The following CALD1 variants were observed in gnomAD, a reference collection of about 807,000 sequenced individuals.
CALD1 encodes caldesmon.
CALD1 carries 33 observed loss-of-function variants against 99.9 expected under a neutral mutation model. That is an observed-to-expected ratio of 0.33 (90% confidence interval 0.25 to 0.44). The LOEUF is 0.44. Ranked by LOEUF, CALD1 falls within the 20% of genes least tolerant of loss-of-function variation. The pLI is 1.00. For synonymous variants in CALD1, 310 were observed against 325.0 expected, an observed-to-expected ratio of 0.95 and a Z score of 0.50; for missense variants, 861 against 962.1, an observed-to-expected ratio of 0.89 and a Z score of 1.39.
chr7:134,969,394 C>T lies in CALD1; in HGVS notation c.*1049C>T, dbSNP rs1224098843. On this transcript the variant is annotated 3_prime_UTR_variant, in exon 15 of 15. Transcript: ENST00000361675. ...TCATCTCGACCAAGCTCAAAGCCTA[C>T]TTATTAGAAACAATGAAGTTCACAA... is the stretch of plus-strand genomic sequence containing the variant. 1 of 152,134 alleles carries T rather than the reference C, an allele frequency of 6.6e-6. No homozygotes were observed. The highest frequency in any genetic ancestry group is 1.9e-4 in the East Asian group (1 of 5,200). 9.4% of individuals were successfully genotyped at this position (152,134 alleles called of 1,614,324 possible).
intron 3 of CALD1, among the ~76,000 whole-genome samples, chr7:134,908,101 G>T (rs1803535229): frequency 1.3e-5 from 2 of 152,076 alleles, no homozygotes; most frequent in Middle Eastern, 3.2e-3. Flanking sequence ...GTTGAAAAAA[G>T]ATAGGAATTT....
rs770311302 is a variant in CALD1 at position 134,965,315 on chromosome 7, C to A, written c.2305C>A (p.Pro769Thr). 6.4e-7 allele frequency: 1 copy of A among 1,569,402 alleles called. No homozygotes were observed. Among genetic ancestry groups the A allele is most frequent in the Non-Finnish European group, 8.8e-7 (1 of 1,139,336 alleles). ...SPAPKPSDLR[P>T]GDVSSKRNLW... ...GCTTCCTTTTTATCAGGACTTGAGA[C>A]CAGGAGACGTATCCAGCAAGCGGAA... The change falls in exon 14 of 15, where the codon CCA (proline) becomes ACA (threonine). Residue 769 changes from proline to threonine, a missense_variant. Physicochemically the swap from Pro to Thr is conservative, Grantham distance 38. This residue lies in a region of CALD1 where 190 missense variants were observed against 249.0 expected (regional missense o/e 0.76). Transcript: ENST00000361675.
intron 7 of CALD1, among the ~76,000 whole-genome samples, chr7:134,942,881 T>C (rs1240825249): frequency 6.6e-6 from 1 of 152,204 alleles, no homozygotes; most frequent in Non-Finnish European, 1.5e-5. Context: ...ATAATTAACA[T>C]GCCTATTGTG....
At chr7:134,872,422 A>AT (rs1393901240) in intron 3 of CALD1, among the ~76,000 whole-genome samples, 1 of 149,130 alleles carries the variant, frequency 6.7e-6, no homozygotes, top group Non-Finnish European at 1.5e-5. Context: ...TGCAACTTTT[A>AT]TGCCATTACC....
At chr7:134,868,623 A>G (rs1028033675) in intron 3 of CALD1, among the ~76,000 whole-genome samples, 5 of 152,222 alleles carry the variant, frequency 3.3e-5, no homozygotes, top group Non-Finnish European at 7.3e-5. Context: ...TAACGATACC[A>G]CAGCACAAAA....
intron 2 of CALD1, among the ~76,000 whole-genome samples, chr7:134,863,855 A>G (rs1464638872): frequency 6.6e-6 from 1 of 152,196 alleles, no homozygotes; most frequent in African/African-American, 2.4e-5. Flanking sequence ...AAAAGTCACA[A>G]AGAAAGAGAA....
chr7:134,723,282 A>T, the CALD1 span, among the ~76,000 whole-genome samples: 90 of 152,334 alleles, frequency 5.9e-4, no homozygotes, highest in African/African-American at 1.8e-3. Context: ...CAGTTTCTGC[A>T]TCTTGGCCTA....
In CALD1 at chr7:134,857,663, A is replaced by C. The variant is rs377470163; in HGVS notation, c.-41-10030A>C. ...ATCTGTAAATATATATGCTTAAATTATATGTCTGTTACATCCAAGGGACAT... is the reference window on the plus strand; with the variant it reads ...ATCTGTAAATATATATGCTTAAATTCTATGTCTGTTACATCCAAGGGACAT... On this transcript the variant is annotated intron_variant, in intron 2 of 14. Coordinates refer to ENST00000361675, the MANE Select transcript of CALD1 (RefSeq NM_033138.4). 1.7e-4 allele frequency among the ~76,000 whole-genome samples: 26 copies of C among 152,296 alleles called. No individual in the cohort carries two copies. In the South Asian group the frequency reaches 3.7e-3, roughly 22 times the overall value.
upstream of CALD1, among the ~76,000 whole-genome samples, chr7:134,740,904 T>C (rs918594148): frequency 2.0e-5 from 3 of 152,230 alleles, no homozygotes; most frequent in African/African-American, 7.2e-5. Context: ...TGCAAGGCAC[T>C]TCTCTAAATG....
At position 134,920,360 on chromosome 7, in the gene CALD1, T is replaced by C. The variant is rs541075018; in HGVS notation, c.72-8394T>C. ...ATAGTTGATAAGCATGTTTCTAACC[T>C]ACATGAGGTTTTTAACTTTTTAAGT... On this transcript the variant is annotated intron_variant, in intron 3 of 14. Coordinates refer to ENST00000361675, the MANE Select transcript of CALD1 (RefSeq NM_033138.4). 63 of 204,022 alleles carry C rather than the reference T, an allele frequency of 3.1e-4. 1 individual carries two copies. Among genetic ancestry groups the C allele is most frequent in the African/African-American group, 1.5e-3 (63 of 42,348 alleles). 12.6% of individuals were successfully genotyped at this position (204,022 alleles called of 1,614,324 possible).
At chr7:134,917,056 G>C (rs552714249) in intron 3 of CALD1, among the ~76,000 whole-genome samples, 1 of 152,280 alleles carries the variant, frequency 6.6e-6, no homozygotes, top group Admixed American at 6.5e-5. Flanking sequence ...TCCTGCTCTG[G>C]AGCAGGTGTG....
chr7:134,831,839 A>AG (rs1295528090), intron 1 of CALD1, among the ~76,000 whole-genome samples: 2 of 152,240 alleles, frequency 1.3e-5, no homozygotes, highest in East Asian at 3.9e-4. Flanking sequence ...AATTCAACTG[A>AG]GGGGCGTGTA....
In CALD1 at chr7:134,867,704, A is replaced by G. The variant is rs756826103; in HGVS notation, c.-30A>G. On this transcript the variant is annotated 5_prime_UTR_variant, in exon 3 of 15. Transcript: ENST00000361675. ...CTCCTCTCTTTCAGGTCCAGACATCATCTGGTCTCCCTGAACCTGAAATCA... is the reference window on the plus strand; with the variant it reads ...CTCCTCTCTTTCAGGTCCAGACATCGTCTGGTCTCCCTGAACCTGAAATCA... The G allele has an allele frequency of 4.8e-6, 7 of 1,466,120 alleles. No homozygotes were observed. In the South Asian group the frequency reaches 7.0e-5, roughly 15 times the overall value. 90.8% of individuals were successfully genotyped at this position (1,466,120 alleles called of 1,614,324 possible).
At chr7:134,884,208 A>G (rs1169504687) in intron 3 of CALD1, among the ~76,000 whole-genome samples, 1 of 152,124 alleles carries the variant, frequency 6.6e-6, no homozygotes, top group Non-Finnish European at 1.5e-5. Context: ...AATGAGACAG[A>G]CCTTGAATCT....
At chr7:134,920,422 A>G (rs970137269) in intron 3 of CALD1, 25 of 799,922 alleles carry the variant, frequency 3.1e-5, no homozygotes, top group African/African-American at 1.1e-4. Context: ...AGACAATGCC[A>G]TTAGCAGAAC....
At chr7:134,966,379 T>A (rs752332976) in intron 14 of CALD1, among the ~76,000 whole-genome samples, 1 of 152,214 alleles carries the variant, frequency 6.6e-6, no homozygotes, top group Non-Finnish European at 1.5e-5. Flanking sequence ...CACTAGCCTT[T>A]CTAAGTCATT....
chr7:134,963,886 G>A (rs1808463776), intron 13 of CALD1, among the ~76,000 whole-genome samples: 2 of 152,190 alleles, frequency 1.3e-5, no homozygotes, highest in African/African-American at 4.8e-5. Context: ...ATTTTAGGGT[G>A]AGGAAAATGC....
chr7:134,962,287 T>C (rs1409936099), intron 13 of CALD1: 1 of 146,864 alleles, frequency 6.8e-6, no homozygotes, highest in African/African-American at 2.5e-5. Flanking sequence ...ATGATTATGA[T>C]AGGTATAACT....
At chr7:134,894,741 A>C (rs1486483939) in intron 3 of CALD1, among the ~76,000 whole-genome samples, 1 of 152,178 alleles carries the variant, frequency 6.6e-6, no homozygotes, top group South Asian at 2.1e-4. Context: ...TTTAGATTTC[A>C]AGGCATGTTT....
Sources: gnomAD v4.1 joint callset for allele counts (sites outside exome capture counted in the v4.1 genomes callset) on GRCh38, gnomAD v4.1.1 for gene constraint, gnomAD v4.1.1 regional missense constraint, MANE v1.5 for transcripts, NCBI Gene and HGNC (gene_info 2026-07-23, HGNC 2026-07-21) for gene names.